The following SECISBP2L variants were observed in gnomAD, a reference collection of about 807,000 sequenced individuals.
The protein encoded by SECISBP2L is SECIS binding protein 2 like.
In SECISBP2L, 43 loss-of-function variants were observed where a neutral mutation model predicts 114.7. The ratio of observed to expected loss-of-function variants is 0.38; its 90% CI spans 0.29 to 0.48. The LOEUF is 0.48. Among genes scored for constraint, SECISBP2L ranks in the 20% least tolerant of loss-of-function variants. The pLI, the probability that SECISBP2L is intolerant of heterozygous loss-of-function variation, is 0.98. For synonymous variants in SECISBP2L, 451 were observed against 439.7 expected (o/e 1.03, Z -0.32); for missense variants, 1,136 against 1,301.1 (o/e 0.87, Z 1.95).
At chr15:49,028,017 T>C (rs1389812754) in intron 6 of SECISBP2L, 127 bp downstream of exon 6, 1 of 839,854 alleles carries the variant, frequency 1.2e-6, no homozygotes, top group African/African-American at 1.8e-5. Context: ...TACTTCCAAA[T>C]TACCTTGAAT....
rs933064262 is a variant in SECISBP2L, at chr15:49,019,305, A to T, written c.1170+113T>A. 8.6e-6 allele frequency: 7 copies of T among 816,398 alleles called. 1 individual carries two copies. In the Admixed American group the frequency reaches 3.0e-4, roughly 35 times the overall value. 50.6% of individuals were successfully genotyped at this position (816,398 alleles called of 1,614,324 possible). On this transcript the variant is annotated intron_variant, in intron 8 of 17. Transcript: ENST00000559471. Reference sequence around the variant, plus strand: ...TCTGAGTAATTTATAATTTAATACTAGAATCACATGTTAAGACATAAAAAG... The same window carrying T: ...TCTGAGTAATTTATAATTTAATACTTGAATCACATGTTAAGACATAAAAAG...
intron 14 of SECISBP2L, among the ~76,000 whole-genome samples, chr15:49,008,814 GTTC>G (rs1314401731): frequency 2.0e-5 from 3 of 152,096 alleles, no homozygotes; most frequent in Non-Finnish European, 4.4e-5. Flanking sequence ...TATGTAATAG[GTTC>G]ACTTCATATA....
Position 49,025,369 on chromosome 15 carries a change from T to C in SECISBP2L, c.1035+1996A>G, listed in dbSNP as rs190763636. On this transcript the variant is annotated intron_variant, in intron 7 of 17. Transcript: ENST00000559471. ...AGATTCTGGAATATCTGCATATACA[T>C]ACTGAGGTACCTTGGGGATGGGATC... Among the ~76,000 whole-genome samples the C allele has an allele frequency of 2.1e-3, 317 of 152,330 alleles. 3 individuals carry two copies. Among genetic ancestry groups the C allele is most frequent in the African/African-American group, 7.5e-3 (310 of 41,584 alleles).
chr15:48,992,827 C>T lies in SECISBP2L; in HGVS notation c.2723G>A (p.Ser908Asn), dbSNP rs953516488. Residue 908 changes from serine (S) to asparagine (N), a missense_variant, in exon 18 of 18, where the codon AGT (serine) becomes AAT (asparagine). Around this residue, in one of 2 missense-constraint regions of SECISBP2L, gnomAD observed 684 missense variants for 848.7 expected, o/e 0.81. Coordinates refer to ENST00000559471, the MANE Select transcript of SECISBP2L (RefSeq NM_001193489.2). ...TGGGGGTGTGTCAAATGGAAGTTTACTGGGTTTTTCAGAAGTGCTGTGCTT... is the reference window on the plus strand; with the variant it reads ...TGGGGGTGTGTCAAATGGAAGTTTATTGGGTTTTTCAGAAGTGCTGTGCTT... ...SCKHSTSEKP[S>N]KLPFDTPPIG... The T allele has an allele frequency of 5.6e-6, 9 of 1,614,032 alleles. No individual in the cohort carries two copies. The highest frequency in any genetic ancestry group is 1.3e-5 in the African/African-American group (1 of 74,912).
chr15:49,035,508 C>T lies in SECISBP2L; in HGVS notation c.354G>A (p.Gln118=), dbSNP rs181830301. The T allele has an allele frequency of 5.0e-6, 8 of 1,614,138 alleles. No individual in the cohort carries two copies. The East Asian group carries it at 1.3e-4, about 27-fold the overall frequency. ...GAAAAGGATGATAGAAACCCATAAC[C>T]TGGGCACATGGTGCTGGCATCAGCT... ...YYQLMPAPCA[Q]VMGFYHPFPT... The change falls in exon 3 of 18, where the codon CAG becomes CAA. Residue 118 remains glutamine, a synonymous_variant. Coordinates refer to ENST00000559471, the MANE Select transcript of SECISBP2L (RefSeq NM_001193489.2).
intron 14 of SECISBP2L, among the ~76,000 whole-genome samples, chr15:49,005,560 CTTTTTTTTTTTTTTTT>C (rs752466722): frequency 2.7e-5 from 1 of 36,746 alleles, no homozygotes; most frequent in African/African-American, 1.3e-4. Flanking sequence ...GCAACCCCTG[CTTTTTTTTTTTTTTTT>C]TTTTTTTTTT....
At position 48,999,994 on chromosome 15, in the gene SECISBP2L, A is replaced by C. The variant is rs1218148028; in HGVS notation, c.2249-7T>G. On this transcript the variant is annotated splice_polypyrimidine_tract_variant and splice_region_variant and intron_variant, in intron 15 of 17. Transcript: ENST00000559471. ...AGAGCCTCATCCAGACCACCTGAGAAAATCAACACATGCAGACGCCTTTAG... is the reference window on the plus strand; with the variant it reads ...AGAGCCTCATCCAGACCACCTGAGACAATCAACACATGCAGACGCCTTTAG... The C allele has an allele frequency of 6.2e-7, 1 of 1,613,208 alleles. No individual in the cohort carries two copies. The highest frequency in any genetic ancestry group is 1.1e-5 in the South Asian group (1 of 91,028).
intron 16 of SECISBP2L, among the ~76,000 whole-genome samples, chr15:48,998,644 G>A (rs543106068): frequency 6.6e-6 from 1 of 152,298 alleles, no homozygotes; most frequent in East Asian, 1.9e-4. Context: ...TTGAATGTGA[G>A]GGTAAAGATT....
In SECISBP2L at chr15:48,992,906, CCAT is replaced by C; in HGVS notation, c.2641_2643del (p.Met881del). On this transcript the variant is annotated inframe_deletion, in exon 18 of 18. Transcript: ENST00000559471. ...GCTTCCAGTCCATCTGAAGTTTCCA[CCAT>C]GTTTCTCCAATTTGTTTCTACAAGT... 6.2e-7 allele frequency: 1 copy of C among 1,611,790 alleles called. No individual in the cohort carries two copies. Among genetic ancestry groups the C allele is most frequent in the Non-Finnish European group, 8.5e-7 (1 of 1,178,328 alleles).
At chr15:49,020,451 A>G (rs532722361) in intron 7 of SECISBP2L, among the ~76,000 whole-genome samples, 1 of 152,170 alleles carries the variant, frequency 6.6e-6, no homozygotes, top group African/African-American at 2.4e-5. Flanking sequence ...ACTTCAAGCA[A>G]TCTTCCCACC....
intron 4 of SECISBP2L, among the ~76,000 whole-genome samples, chr15:49,030,670 A>ATC (rs1355978949): frequency 6.6e-6 from 1 of 152,218 alleles, no homozygotes; most frequent in Non-Finnish European, 1.5e-5. Context: ...TTATCTGCCT[A>ATC]TATTTCTTCT....
chr15:49,031,434 C>T (rs1378806057), intron 4 of SECISBP2L, among the ~76,000 whole-genome samples: 5 of 152,066 alleles, frequency 3.3e-5, no homozygotes, highest in Admixed American at 3.3e-4. Flanking sequence ...TTGTTAATGA[C>T]ATCTTTTTTT....
chr15:49,044,170 AC>A (rs1410772175), intron 1 of SECISBP2L, among the ~76,000 whole-genome samples: 3 of 152,178 alleles, frequency 2.0e-5, no homozygotes, highest in Non-Finnish European at 4.4e-5. Flanking sequence ...AGGGAAAAAA[AC>A]ATTCTGTGAG....
At chr15:49,042,331 T>G (rs887502955) in intron 1 of SECISBP2L, 1 of 152,730 alleles carries the variant, frequency 6.5e-6, no homozygotes, top group African/African-American at 2.4e-5. Flanking sequence ...TTTGTTTGTT[T>G]GTTTGTTTTA....
At chr15:48,993,120 T>A (rs1393460943) in intron 17 of SECISBP2L, among the ~76,000 whole-genome samples, 194 bp from the exon 18 acceptor site, 9 of 151,448 alleles carry the variant, frequency 5.9e-5, no homozygotes, top group East Asian at 1.9e-4. Context: ...TGTGTGTGTG[T>A]GTGTGTGTGT....
At position 49,027,442 on chromosome 15, in the gene SECISBP2L, G is replaced by A; in HGVS notation, c.958C>T (p.Gln320Ter). The change falls in exon 7 of 18, where the codon CAG becomes TAG. Residue 320 changes from glutamine to a stop codon, truncating the protein, a stop_gained. Transcript: ENST00000559471. LOFTEE classifies it high-confidence loss of function. ...NWSNVTCQATQKKPWMEKNQT... is the reference protein window; with the variant it reads ...NWSNVTCQAT The stretch of plus-strand genomic sequence containing the variant: ...TTTTTTTCCATCCAAGGTTTTTTCT[G>A]AGTTGCCTGGCAAGTTACATTGGAC... 6.2e-7 allele frequency: 1 copy of A among 1,608,650 alleles called. No homozygotes were observed. The highest frequency in any genetic ancestry group is 8.5e-7 in the Non-Finnish European group (1 of 1,176,490).
Position 49,018,256 on chromosome 15 carries a change from A to AT in SECISBP2L, c.1171-629dup, listed in dbSNP as rs111439945. Among the ~76,000 whole-genome samples, 447 of 139,914 alleles carry AT rather than the reference A, an allele frequency of 3.2e-3. 2 individuals carry two copies. The highest frequency in any genetic ancestry group is 4.0e-3 in the Admixed American group (56 of 13,916). The allele number at this position is 139,914 out of a possible 152,430, so 91.8% of individuals were successfully genotyped here. A position where few individuals can be genotyped will look rare whatever the true frequency, so the allele number is the denominator to read the frequency against. On this transcript the variant is annotated intron_variant, in intron 8 of 17. Coordinates refer to ENST00000559471, the MANE Select transcript of SECISBP2L (RefSeq NM_001193489.2). ...ACTAAACTTATCTAACATATTATTG[A>AT]TTTTTTTTTTTTTTTTTGAGATGGA...
intron 7 of SECISBP2L, among the ~76,000 whole-genome samples, chr15:49,021,756 G>A (rs1325197176): frequency 6.6e-6 from 1 of 152,118 alleles, no homozygotes; most frequent in Non-Finnish European, 1.5e-5. Flanking sequence ...TAAAGCACCA[G>A]GATTAAATTA....
Position 49,035,403 on chromosome 15 carries a change from C to A in SECISBP2L, c.459G>T (p.Gln153His). Reference protein sequence around the residue: ...ITTECTERPSQLGQVFPLSSH... With the variant: ...ITTECTERPSHLGQVFPLSSH... ...TGGACAATGGGAAGACCTGTCCAAGCTGACTTGGACGCTCAGTGCATTCTG... is the reference window on the plus strand; with the variant it reads ...TGGACAATGGGAAGACCTGTCCAAGATGACTTGGACGCTCAGTGCATTCTG... Residue 153 changes from glutamine (Q) to histidine (H), a missense_variant, in exon 3 of 18, where the codon CAG (glutamine) becomes CAT (histidine). This residue lies in a region of SECISBP2L where 452 missense variants were observed against 452.3 expected (regional missense o/e 1.00). Transcript: ENST00000559471. 1 of 1,614,178 alleles carries A rather than the reference C, an allele frequency of 6.2e-7. No individual in the cohort carries two copies. Among genetic ancestry groups the A allele is most frequent in the Non-Finnish European group, 8.5e-7 (1 of 1,180,026 alleles).
Sources: allele counts gnomAD v4.1 joint callset (sites outside exome capture counted in the v4.1 genomes callset), GRCh38; gene constraint gnomAD v4.1.1; regional missense constraint gnomAD v4.1.1; transcripts MANE v1.5; gene names NCBI Gene and HGNC (gene_info 2026-07-23, HGNC 2026-07-21).